Variants in PAAF1 observed in about 807,000 individuals in gnomAD.
The protein encoded by PAAF1 is proteasomal ATPase associated factor 1.
PAAF1 carries 46 observed loss-of-function variants against 52.8 expected under a neutral mutation model. That is an observed-to-expected ratio of 0.87 (90% CI 0.69 to 1.11). PAAF1 has a LOEUF of 1.11. PAAF1 is among the 50% of genes most tolerant of loss of function. The pLI is 0.00. For synonymous variants in PAAF1, 178 were observed against 172.8 expected (o/e 1.03, Z -0.24); for missense variants, 424 against 477.4 (o/e 0.89, Z 1.04).
intron 3 of PAAF1, among the ~76,000 whole-genome samples, chr11:73,890,764 C>G (rs1028279167): frequency 1.1e-4 from 16 of 152,114 alleles, no homozygotes; most frequent in African/African-American, 3.6e-4. Context: ...GTTCCTTGCC[C>G]CACTGCTAAT....
At chr11:73,916,733 T>C in intron 9 of PAAF1, 73 bp downstream of exon 9, 1 of 973,138 alleles carries the variant, frequency 1.0e-6, no homozygotes, top group Non-Finnish European at 1.6e-6. Flanking sequence ...AACATTGATT[T>C]AGCCTAGCAT....
At position 73,916,332 on chromosome 11, in the gene PAAF1, C is replaced by T. The variant is rs371370801; in HGVS notation, c.820-213C>T. ...ACTTCAGAGTATATTATATAACCTG[C>T]TCAAGTCCTTAGTCAACCCCAGGTT... On this transcript the variant is annotated intron_variant, in intron 8 of 11. Transcript: ENST00000310571. Among the ~76,000 whole-genome samples the T allele has an allele frequency of 1.3e-4, 18 of 141,450 alleles. 1 individual carries two copies. Among genetic ancestry groups the T allele is most frequent in the African/African-American group, 4.7e-4 (18 of 38,628 alleles). The allele number at this position is 141,450 out of a possible 152,430, so 92.8% of individuals were successfully genotyped here.
intron 4 of PAAF1, among the ~76,000 whole-genome samples, chr11:73,898,512 C>G (rs907332943): frequency 2.0e-5 from 3 of 152,032 alleles, no homozygotes; most frequent in Non-Finnish European, 4.4e-5. Context: ...GCCACTGCAC[C>G]TGGTCTTAAT....
chr11:73,923,799 C>T (rs1246323220), intron 10 of PAAF1, among the ~76,000 whole-genome samples: 4 of 152,034 alleles, frequency 2.6e-5, no homozygotes, highest in Non-Finnish European at 5.9e-5. Flanking sequence ...TTTCATTTGT[C>T]CATGCTCTTT....
intron 3 of PAAF1, among the ~76,000 whole-genome samples, chr11:73,888,357 A>G (rs987760660): frequency 4.6e-5 from 7 of 152,196 alleles, no homozygotes; most frequent in African/African-American, 1.7e-4. Context: ...CTTATAATCC[A>G]TATCTGGTGA....
intron 4 of PAAF1, among the ~76,000 whole-genome samples, chr11:73,897,330 C>T (rs1361754050): frequency 2.7e-5 from 4 of 150,176 alleles, no homozygotes; most frequent in Non-Finnish European, 4.4e-5. Context: ...CAGGCGGAGA[C>T]GCTCCTCACT....
intron 8 of PAAF1, among the ~76,000 whole-genome samples, chr11:73,915,257 G>A (rs1321152310): frequency 6.6e-6 from 1 of 152,060 alleles, no homozygotes; most frequent in African/African-American, 2.4e-5. Flanking sequence ...AAGTTGTATA[G>A]ATTTTCTTTA....
At chr11:73,900,128 C>T in intron 5 of PAAF1, 142 bp from the exon 6 acceptor site, 2 of 818,046 alleles carry the variant, frequency 2.4e-6, no homozygotes, top group Non-Finnish European at 3.7e-6. Context: ...GCTAAGAGAT[C>T]CTTTGGATAT....
intron 7 of PAAF1, among the ~76,000 whole-genome samples, chr11:73,913,418 G>A (rs1341032501): frequency 1.3e-5 from 2 of 152,100 alleles, no homozygotes; most frequent in South Asian, 4.1e-4. Context: ...AATATAGTGA[G>A]ATCCCATCTC....
chr11:73,901,360 C>A (rs1949608106), intron 6 of PAAF1, among the ~76,000 whole-genome samples: 1 of 152,116 alleles, frequency 6.6e-6, no homozygotes, highest in Non-Finnish European at 1.5e-5. Context: ...TATGTTTTAT[C>A]CTTAATTGGA....
At chr11:73,902,893 G>A (rs2135182722) in intron 6 of PAAF1, among the ~76,000 whole-genome samples, 1 of 152,204 alleles carries the variant, frequency 6.6e-6, no homozygotes, top group Non-Finnish European at 1.5e-5. Context: ...TAGAGACTGG[G>A]TTTCACCATA....
At chr11:73,911,375 G>C (rs1446342653) in intron 7 of PAAF1, among the ~76,000 whole-genome samples, 1 of 152,048 alleles carries the variant, frequency 6.6e-6, no homozygotes, top group Non-Finnish European at 1.5e-5. Context: ...TAGAGACAGG[G>C]TCTCACTATG....
At chr11:73,912,017 C>T (rs1216253266) in intron 7 of PAAF1, among the ~76,000 whole-genome samples, 1 of 151,948 alleles carries the variant, frequency 6.6e-6, no homozygotes, top group Admixed American at 6.6e-5. Context: ...ATAGTAAACC[C>T]TCTCCTCAAA....
chr11:73,916,695 C>T, intron 9 of PAAF1, 35 bp downstream of exon 9: 4 of 1,491,972 alleles, frequency 2.7e-6, no homozygotes, highest in Non-Finnish European at 3.7e-6. Flanking sequence ...TGCAGGTCTT[C>T]TGCAGAGTGG....
chr11:73,920,038 A>G (rs1319562952), intron 10 of PAAF1, among the ~76,000 whole-genome samples: 2 of 146,008 alleles, frequency 1.4e-5, no homozygotes, highest in African/African-American at 5.1e-5. Flanking sequence ...AAGACTGGTG[A>G]AAAAAAAAAA....
intron 9 of PAAF1, 38 bp from the exon 10 acceptor site, chr11:73,918,912 A>G: frequency 6.5e-7 from 1 of 1,530,784 alleles, no homozygotes; most frequent in Non-Finnish European, 9.0e-7. Flanking sequence ...TTGCTTTTGA[A>G]GAAAGAAAGT....
chr11:73,882,291 C>T (rs909150610), intron 2 of PAAF1, among the ~76,000 whole-genome samples: 4 of 146,070 alleles, frequency 2.7e-5, no homozygotes, highest in East Asian at 2.0e-4. Context: ...GGATTACAGG[C>T]GTGAGGCACC....
chr11:73,913,782 A>T (rs941731197), intron 7 of PAAF1, among the ~76,000 whole-genome samples: 4 of 152,120 alleles, frequency 2.6e-5, no homozygotes, highest in Non-Finnish European at 5.9e-5. Flanking sequence ...AATAAATTTC[A>T]TTTTCTCTAG....
rs73541950 is a variant in PAAF1, at chr11:73,887,329, G to A, written c.89-25G>A. 7.9e-4 allele frequency: 1,212 copies of A among 1,531,606 alleles called. 11 individuals are homozygous for A. The African/African-American group carries it at 0.015, about 19-fold the overall frequency. The allele number at this position is 1,531,606 out of a possible 1,614,324, so 94.9% of individuals were successfully genotyped here. ...ATAATAAATTTTTCTTATTTTTTGAGACATGCTTCTTTTGTACCATATAGG... is the reference window on the plus strand; with the variant it reads ...ATAATAAATTTTTCTTATTTTTTGAAACATGCTTCTTTTGTACCATATAGG... On this transcript the variant is annotated intron_variant, in intron 2 of 11. Coordinates refer to ENST00000310571, the MANE Select transcript of PAAF1 (RefSeq NM_025155.3).
Sources: gnomAD v4.1 joint callset for allele counts (sites outside exome capture counted in the v4.1 genomes callset) on GRCh38, gnomAD v4.1.1 for gene constraint, MANE v1.5 for transcripts, NCBI Gene and HGNC (gene_info 2026-07-23, HGNC 2026-07-21) for gene names.